The following MAP2K1 variants were observed in gnomAD, a reference collection of about 807,000 sequenced individuals.
The protein encoded by MAP2K1 is mitogen-activated protein kinase kinase 1.
A neutral mutation model predicts 46.3 loss-of-function variants in MAP2K1; 16 were observed. The observed-to-expected ratio is 0.35, with a 90% CI of 0.23 to 0.52. MAP2K1 has a LOEUF of 0.52. MAP2K1 is among the 20% of genes least tolerant of loss of function. MAP2K1 has a pLI of 0.94. For missense variants in MAP2K1, 263 were observed against 497.1 expected (o/e 0.53, Z 4.48); for synonymous variants, 183 against 185.6 (o/e 0.99, Z 0.11).
In MAP2K1 at chr15:66,387,327, A is replaced by T. The variant is rs1432425350; in HGVS notation, c.-21A>T. 1.4e-5 allele frequency: 22 copies of T among 1,544,830 alleles called. No homozygotes were observed. Among genetic ancestry groups the T allele is most frequent in the Non-Finnish European group, 1.9e-5 (22 of 1,140,122 alleles). The stretch of plus-strand genomic sequence containing the variant: ...GTGCTGCCCTCCCCCCGGAGTTGGA[A>T]GCGCGTTACCCGGGTCCAAAATGCC... On this transcript the variant is annotated 5_prime_UTR_variant, in exon 1 of 11. It adds an upstream start codon to the 5' untranslated region. Transcript: ENST00000307102.
Position 66,412,894 on chromosome 15 carries a change from T to TTTA in MAP2K1, c.81-22118_81-22116dup, listed in dbSNP as rs948443687. On this transcript the variant is annotated intron_variant, in intron 1 of 10. Coordinates refer to ENST00000307102, the MANE Select transcript of MAP2K1 (RefSeq NM_002755.4). Reference sequence around the variant, plus strand: ...TTTATTTATTTATTTATTTTATTATTTTATTATTATTATTATTTTTTGACA... The same window carrying TTTA: ...TTTATTTATTTATTTATTTTATTATTTTATTATTATTATTATTATTTTTTGACA... Among the ~76,000 whole-genome samples, 10 of 151,556 alleles carry TTTA rather than the reference T, an allele frequency of 6.6e-5. 1 individual carries two copies. The East Asian group carries it at 1.5e-3, about 23-fold the overall frequency.
At position 66,489,715 on chromosome 15, in the gene MAP2K1, A is replaced by T. The variant is rs775687016; in HGVS notation, c.1023-3A>T. On this transcript the variant is annotated splice_region_variant and splice_polypyrimidine_tract_variant and intron_variant, in intron 9 of 10. Coordinates refer to ENST00000307102, the MANE Select transcript of MAP2K1 (RefSeq NM_002755.4). Reference sequence around the variant, plus strand: ...GCTCTTACCTTGTCTTTCTTCCTTTAAGCTTAATAAAAAACCCCGCAGAGA... The same window carrying T: ...GCTCTTACCTTGTCTTTCTTCCTTTTAGCTTAATAAAAAACCCCGCAGAGA... The T allele has an allele frequency of 6.2e-7, 1 of 1,612,768 alleles. No individual in the cohort carries two copies. Among genetic ancestry groups the T allele is most frequent in the South Asian group, 1.1e-5 (1 of 91,052 alleles).
Position 66,402,053 on chromosome 15 carries a change from A to C in MAP2K1, c.80+14626A>C, listed in dbSNP as rs192373465. 5 of 1,231,016 alleles carry C rather than the reference A, an allele frequency of 4.1e-6. No homozygotes were observed. In the African/African-American group the frequency reaches 7.7e-5, roughly 19 times the overall value. The allele number at this position is 1,231,016 out of a possible 1,614,324, so 76.3% of individuals were successfully genotyped here. ...TAAAGTATTTCTGAGTAGTTTTTATATGCTTTGTATTTTGAAGTTTTATAA... is the reference window on the plus strand; with the variant it reads ...TAAAGTATTTCTGAGTAGTTTTTATCTGCTTTGTATTTTGAAGTTTTATAA... On this transcript the variant is annotated intron_variant, in intron 1 of 10. Transcript: ENST00000307102.
intron 5 of MAP2K1, among the ~76,000 whole-genome samples, chr15:66,481,269 T>G (rs1892908956): frequency 6.6e-6 from 1 of 152,194 alleles, no homozygotes; most frequent in Non-Finnish European, 1.5e-5. Flanking sequence ...GCTCCATGCC[T>G]GGTGCAGAAG....
intron 5 of MAP2K1, among the ~76,000 whole-genome samples, chr15:66,468,278 T>TC (rs999000281): frequency 6.6e-6 from 1 of 151,718 alleles, no homozygotes; most frequent in Non-Finnish European, 1.5e-5. Context: ...CCTTTTTTTT[T>TC]CCCCCCTTCT....
At chr15:66,474,522 C>T (rs997028674) in intron 5 of MAP2K1, among the ~76,000 whole-genome samples, 1 of 152,196 alleles carries the variant, frequency 6.6e-6, no homozygotes, top group African/African-American at 2.4e-5. Flanking sequence ...CTCATTACAT[C>T]TGTAATGTGA....
At chr15:66,478,371 GTTAAATATATATACACAGATA>G (rs1892815861) in intron 5 of MAP2K1, among the ~76,000 whole-genome samples, 6 of 117,196 alleles carry the variant, frequency 5.1e-5, no homozygotes, top group Admixed American at 1.7e-4. Context: ...ACACATATAT[GTTAAATATATATACACAGATA>G]TGTGTGTGTA....
intron 1 of MAP2K1, among the ~76,000 whole-genome samples, chr15:66,421,567 G>A (rs2093443646): frequency 6.6e-6 from 1 of 151,748 alleles, no homozygotes; most frequent in South Asian, 2.1e-4. Flanking sequence ...TTGGGAGGCC[G>A]AGGTGGGCAG....
chr15:66,423,309 T>C (rs1595854293), intron 1 of MAP2K1, among the ~76,000 whole-genome samples: 1 of 152,222 alleles, frequency 6.6e-6, no homozygotes, highest in East Asian at 1.9e-4. Context: ...ATCATAGTTA[T>C]TTTAAGGCCT....
intron 1 of MAP2K1, among the ~76,000 whole-genome samples, chr15:66,417,504 G>C (rs1380017133): frequency 1.3e-5 from 2 of 152,150 alleles, no homozygotes; most frequent in Non-Finnish European, 1.5e-5. Context: ...GAGCCCAGGA[G>C]ATTGAGGCTG....
At chr15:66,423,699 C>G (rs1339644709) in intron 1 of MAP2K1, among the ~76,000 whole-genome samples, 2 of 151,028 alleles carry the variant, frequency 1.3e-5, no homozygotes, top group African/African-American at 4.9e-5. Flanking sequence ...CCTCTGCCTC[C>G]CAGGTTCAAG....
At position 66,394,324 on chromosome 15, in the gene MAP2K1, C is replaced by G. The variant is rs1036132298; in HGVS notation, c.80+6897C>G. On this transcript the variant is annotated intron_variant, in intron 1 of 10. Coordinates refer to ENST00000307102, the MANE Select transcript of MAP2K1 (RefSeq NM_002755.4). ...GGTGTAGTTCATAGCATCAGCAGTT[C>G]TGCCAGGTTTGTAAGGAACACACAT... 1.6e-4 allele frequency among the ~76,000 whole-genome samples: 23 copies of G among 143,284 alleles called. 1 individual carries two copies. The South Asian group carries it at 4.9e-3, about 31-fold the overall frequency. 94.0% of individuals were successfully genotyped at this position (143,284 alleles called of 152,430 possible). A position where few individuals can be genotyped will look rare whatever the true frequency, so the allele number is the denominator to read the frequency against.
At chr15:66,434,484 G>T (rs1309043877) in intron 1 of MAP2K1, among the ~76,000 whole-genome samples, 1 of 152,138 alleles carries the variant, frequency 6.6e-6, no homozygotes, top group Non-Finnish European at 1.5e-5. Flanking sequence ...GTAAAAATAA[G>T]AATTTTAGAT....
intron 5 of MAP2K1, among the ~76,000 whole-genome samples, chr15:66,476,722 C>G (rs921782293): frequency 6.6e-6 from 1 of 152,122 alleles, no homozygotes; most frequent in Non-Finnish European, 1.5e-5. Context: ...AGGCTCTGTG[C>G]AGGGGCTGTC....
chr15:66,473,965 A>C (rs893278530), intron 5 of MAP2K1, among the ~76,000 whole-genome samples: 1 of 152,184 alleles, frequency 6.6e-6, no homozygotes, highest in Admixed American at 6.5e-5. Flanking sequence ...TACAGGCCTG[A>C]GCCACCATGC....
intron 1 of MAP2K1, among the ~76,000 whole-genome samples, chr15:66,388,179 C>T (rs1352252436): frequency 6.6e-6 from 1 of 152,198 alleles, no homozygotes; most frequent in Non-Finnish European, 1.5e-5. Context: ...ATGCTAGGTG[C>T]TCCATCTCTG....
At chr15:66,408,586 G>A (rs990313772) in intron 1 of MAP2K1, among the ~76,000 whole-genome samples, 2 of 152,056 alleles carry the variant, frequency 1.3e-5, no homozygotes, top group African/African-American at 2.4e-5. Context: ...CAAGAGGGGT[G>A]TTAATTTGGG....
At chr15:66,430,866 T>C (rs867460892) in intron 1 of MAP2K1, among the ~76,000 whole-genome samples, 1 of 152,340 alleles carries the variant, frequency 6.6e-6, no homozygotes, top group African/African-American at 2.4e-5. Flanking sequence ...ACCCATTTCC[T>C]TGCACCTCAC....
intron 1 of MAP2K1, among the ~76,000 whole-genome samples, chr15:66,399,716 C>T (rs2093377022): frequency 6.6e-6 from 1 of 152,236 alleles, no homozygotes; most frequent in Non-Finnish European, 1.5e-5. Context: ...CCTGCCTCAG[C>T]CTTCTGAGAA....
Sources: allele counts gnomAD v4.1 joint callset (sites outside exome capture counted in the v4.1 genomes callset), GRCh38; gene constraint gnomAD v4.1.1; transcripts MANE v1.5; gene names NCBI Gene and HGNC (gene_info 2026-07-23, HGNC 2026-07-21).